The following PM20D2 variants were observed in gnomAD, a reference collection of about 807,000 sequenced individuals.
PM20D2 encodes xaa-Arg dipeptidase.
A neutral mutation model predicts 42.9 loss-of-function variants in PM20D2; 33 were observed. The observed-to-expected ratio is 0.77, with a 90% CI of 0.58 to 1.03. PM20D2 has a LOEUF of 1.03. Among genes scored for constraint, PM20D2 ranks in the 50% least tolerant of loss-of-function variants. PM20D2 has a pLI of 0.00. For synonymous variants in PM20D2, 250 were observed against 228.2 expected, an observed-to-expected ratio of 1.10 and a Z score of -0.86; for missense variants, 548 against 557.0, an observed-to-expected ratio of 0.98 and a Z score of 0.16.
intron 2 of PM20D2, among the ~76,000 whole-genome samples, chr6:89,151,616 A>T (rs1770846898): frequency 6.6e-6 from 1 of 152,140 alleles, no homozygotes; most frequent in South Asian, 2.1e-4. Context: ...TCCTTTTCAG[A>T]GTGTTTTTGG....
At position 89,146,064 on chromosome 6, in the gene PM20D2, T is replaced by A; in HGVS notation, c.-81T>A. 7.9e-7 allele frequency: 1 copy of A among 1,268,298 alleles called. No homozygotes were observed. Among genetic ancestry groups the A allele is most frequent in the Non-Finnish European group, 1.0e-6 (1 of 984,192 alleles). 78.6% of individuals were successfully genotyped at this position (1,268,298 alleles called of 1,614,324 possible). A position where few individuals can be genotyped will look rare whatever the true frequency, so the allele number is the denominator to read the frequency against. ...GCGCTCCGCCGGGGTCCTGGAGGCC[T>A]CTGGGCGCGTGCGCGGGCGGTCGCT... On this transcript the variant is annotated 5_prime_UTR_variant, in exon 1 of 7. Coordinates refer to ENST00000275072, the MANE Select transcript of PM20D2 (RefSeq NM_001010853.3).
At chr6:89,123,952 A>G in the PM20D2 span, among the ~76,000 whole-genome samples, 2 of 151,042 alleles carry the variant, frequency 1.3e-5, no homozygotes, top group Admixed American at 6.6e-5. Context: ...TGGGAGGATC[A>G]CTTGAGTCCA....
rs1436883449 is a variant in PM20D2 at position 89,153,070 on chromosome 6, A to G, written c.642A>G (p.Ala214=). 1.2e-6 allele frequency: 2 copies of G among 1,605,528 alleles called. No homozygotes were observed. Among genetic ancestry groups the G allele is most frequent in the African/African-American group, 1.3e-5 (1 of 74,630 alleles). ...TGACTGTGAAATACTATGGAAAAGC[A>G]TCTCATTCTGCTTCTTATCCCTGGG... is the stretch of plus-strand genomic sequence containing the variant. ...HDVTVKYYGK[A]SHSASYPWEG... is the part of the protein sequence containing the mutation. Residue 214 remains alanine, a synonymous_variant, in exon 3 of 7, where the codon GCA becomes GCG. Transcript: ENST00000275072.
chr6:89,146,787 C>T (rs1371098537), intron 1 of PM20D2, among the ~76,000 whole-genome samples, 178 bp downstream of exon 1: 1 of 152,222 alleles, frequency 6.6e-6, no homozygotes, highest in Non-Finnish European at 1.5e-5. Context: ...GCTGAACCCC[C>T]AGTCAAAGTC....
intron 1 of PM20D2, among the ~76,000 whole-genome samples, chr6:89,148,877 G>C (rs903174911): frequency 3.3e-5 from 5 of 152,166 alleles, no homozygotes; most frequent in African/African-American, 1.2e-4. Flanking sequence ...TTTCTGACTC[G>C]TAAAGTACTT....
At chr6:89,116,791 C>A in the PM20D2 span, among the ~76,000 whole-genome samples, 132 of 145,384 alleles carry the variant, frequency 9.1e-4, no homozygotes, top group African/African-American at 3.0e-3. Context: ...AAAAAAAAAA[C>A]TAAAAAATAA....
the PM20D2 span, among the ~76,000 whole-genome samples, chr6:89,102,679 T>C: frequency 6.6e-6 from 1 of 152,054 alleles, no homozygotes; most frequent in East Asian, 1.9e-4. Context: ...ACATTTAGAG[T>C]TCTAACATAC....
chr6:89,159,061 G>T (rs2127781350), intron 5 of PM20D2, among the ~76,000 whole-genome samples: 1 of 152,242 alleles, frequency 6.6e-6, no homozygotes, highest in African/African-American at 2.4e-5. Flanking sequence ...GCAGGTTAGG[G>T]TAAGAGGGGG....
Position 89,148,406 on chromosome 6 carries a change from A to G in PM20D2, c.466-859A>G, listed in dbSNP as rs1198925329. On this transcript the variant is annotated intron_variant, in intron 1 of 6. Transcript: ENST00000275072. ...TTCCAGCTTGTTTCATTGTGTTCTT[A>G]TACATGATCTTGAAAATATATTAGT... 3 of 355,486 alleles carry G rather than the reference A, an allele frequency of 8.4e-6. No individual in the cohort carries two copies. In the Admixed American group the frequency reaches 1.9e-4, roughly 23 times the overall value. The allele number at this position is 355,486 out of a possible 1,614,324, so 22.0% of individuals were successfully genotyped here.
At chr6:89,139,375 A>C in the PM20D2 span, among the ~76,000 whole-genome samples, 1 of 151,984 alleles carries the variant, frequency 6.6e-6, no homozygotes, top group Non-Finnish European at 1.5e-5. Context: ...ATACCCAGCT[A>C]ATTTTTTGTA....
rs1383079883 is a variant in PM20D2 at position 89,163,479 on chromosome 6, C to G, written c.*1216C>G. 1 of 152,066 alleles carries G rather than the reference C, an allele frequency of 6.6e-6. No individual in the cohort carries two copies. Among genetic ancestry groups the G allele is most frequent in the East Asian group, 1.9e-4 (1 of 5,184 alleles). 9.4% of individuals were successfully genotyped at this position (152,066 alleles called of 1,614,324 possible). A position where few individuals can be genotyped will look rare whatever the true frequency, so the allele number is the denominator to read the frequency against. On this transcript the variant is annotated 3_prime_UTR_variant, in exon 7 of 7. Transcript: ENST00000275072. ...TTTCAGGTATGAGACACCACACCTG[C>G]CCATTTTTGTTTGGTTTTTTAATGG...
the PM20D2 span, among the ~76,000 whole-genome samples, chr6:89,118,242 C>T: frequency 1.3e-5 from 2 of 151,972 alleles, no homozygotes; most frequent in Non-Finnish European, 2.9e-5. Flanking sequence ...GTCAGGAGGG[C>T]GGAGGCCAAG....
chr6:89,120,702 C>T, the PM20D2 span, among the ~76,000 whole-genome samples: 23 of 151,350 alleles, frequency 1.5e-4, no homozygotes, highest in Middle Eastern at 3.4e-3. Flanking sequence ...CCCATCTCTA[C>T]AGAAAATTAA....
upstream of PM20D2, among the ~76,000 whole-genome samples, chr6:89,141,708 A>G (rs1770309893): frequency 1.3e-5 from 2 of 152,130 alleles, no homozygotes. Flanking sequence ...TCTGTTTCCA[A>G]TTCATCTTCC....
the PM20D2 span, among the ~76,000 whole-genome samples, chr6:89,095,800 G>C: frequency 6.6e-6 from 1 of 152,124 alleles, no homozygotes; most frequent in Non-Finnish European, 1.5e-5. Flanking sequence ...ATTATTCCTG[G>C]GGAGAAAGCA....
chr6:89,125,607 C>G, the PM20D2 span, among the ~76,000 whole-genome samples: 1 of 151,592 alleles, frequency 6.6e-6, no homozygotes, highest in South Asian at 2.1e-4. Flanking sequence ...ATGGTGAAAC[C>G]CCGTCTCTAC....
the PM20D2 span, among the ~76,000 whole-genome samples, chr6:89,119,762 A>C: frequency 6.6e-6 from 1 of 152,192 alleles, no homozygotes; most frequent in African/African-American, 2.4e-5. Flanking sequence ...ACATAGATCC[A>C]GTCTCCACTT....
the PM20D2 span, among the ~76,000 whole-genome samples, chr6:89,104,568 C>T: frequency 3.3e-5 from 5 of 151,112 alleles, no homozygotes; most frequent in South Asian, 8.3e-4. Flanking sequence ...TTTTTTTCTG[C>T]TCACTATATA....
the PM20D2 span, among the ~76,000 whole-genome samples, chr6:89,133,352 TTTG>T: frequency 2.6e-5 from 4 of 151,268 alleles, no homozygotes; most frequent in Admixed American, 6.6e-5. Flanking sequence ...CTCATAATTA[TTTG>T]TTTTCTCTAT....
Sources: gnomAD v4.1 joint callset for allele counts (sites outside exome capture counted in the v4.1 genomes callset) on GRCh38, gnomAD v4.1.1 for gene constraint, MANE v1.5 for transcripts, NCBI Gene and HGNC (gene_info 2026-07-23, HGNC 2026-07-21) for gene names.